The following BICC1 variants were observed in gnomAD, a reference collection of about 807,000 sequenced individuals.
BICC1 encodes protein bicaudal C homolog 1.
In BICC1, 43 loss-of-function variants were observed where a neutral mutation model predicts 111.0. The ratio of observed to expected loss-of-function variants is 0.39; its 90% CI spans 0.30 to 0.50. The LOEUF is 0.50. Among genes scored for constraint, BICC1 ranks in the 20% least tolerant of loss-of-function variants. The pLI, the probability that BICC1 is intolerant of heterozygous loss-of-function variation, is 0.88. For missense variants in BICC1, 1,091 were observed against 1,203.2 expected (o/e 0.91, Z 1.38); for synonymous variants, 467 against 434.4 (o/e 1.07, Z -0.93).
At chr10:58,800,139 G>T (rs1256419787) in intron 12 of BICC1, 55 bp from the exon 13 acceptor site, 10 of 1,382,494 alleles carry the variant, frequency 7.2e-6, no homozygotes, top group Non-Finnish European at 9.9e-6. Flanking sequence ...TTCTTGATTT[G>T]ACTCTCTGTA....
intron 2 of BICC1, among the ~76,000 whole-genome samples, chr10:58,657,854 G>T (rs1838710145): frequency 6.6e-6 from 1 of 151,924 alleles, no homozygotes; most frequent in African/African-American, 2.4e-5. Flanking sequence ...ACAATGTGTG[G>T]ATATAGCGTA....
chr10:58,799,342 T>A, intron 12 of BICC1, 90 bp downstream of exon 12: 1 of 1,000,326 alleles, frequency 1.0e-6, no homozygotes, highest in Non-Finnish European at 1.4e-6. Flanking sequence ...AGAATGTGTG[T>A]GTGTGATCTC....
intron 2 of BICC1, among the ~76,000 whole-genome samples, chr10:58,659,956 T>C (rs1466607163): frequency 6.6e-6 from 1 of 152,174 alleles, no homozygotes; most frequent in Admixed American, 6.5e-5. Context: ...GGCATGGAGG[T>C]AGTTTTGTGT....
intron 3 of BICC1, among the ~76,000 whole-genome samples, chr10:58,744,428 ATT>A (rs903448938): frequency 5.3e-5 from 8 of 150,094 alleles, no homozygotes; most frequent in Non-Finnish European, 7.4e-5. Flanking sequence ...AAAAGATATG[ATT>A]TTTTTTAAAA....
chr10:58,713,682 A>G (rs1840647422), intron 3 of BICC1, among the ~76,000 whole-genome samples: 1 of 152,234 alleles, frequency 6.6e-6, no homozygotes, highest in African/African-American at 2.4e-5. Flanking sequence ...ATTTACTAAC[A>G]CATTTATTTA....
chr10:58,700,311 T>A (rs1320866028), intron 2 of BICC1, among the ~76,000 whole-genome samples: 1 of 152,016 alleles, frequency 6.6e-6, no homozygotes, highest in Non-Finnish European at 1.5e-5. Flanking sequence ...GAGGAAGAGA[T>A]AATAGTGAAT....
At chr10:58,563,593 C>G (rs1016783061) in intron 1 of BICC1, among the ~76,000 whole-genome samples, 3 of 152,186 alleles carry the variant, frequency 2.0e-5, no homozygotes, top group African/African-American at 7.2e-5. Context: ...ACATTCTACT[C>G]AAAGTGCAGT....
chr10:58,746,233 A>T (rs566946423), intron 3 of BICC1, among the ~76,000 whole-genome samples: 3 of 152,282 alleles, frequency 2.0e-5, no homozygotes, highest in South Asian at 4.1e-4. Context: ...TACATCTATA[A>T]AGTATGGCCT....
chr10:58,545,655 C>T (rs1416258456), intron 1 of BICC1, among the ~76,000 whole-genome samples: 1 of 152,104 alleles, frequency 6.6e-6, no homozygotes, highest in Non-Finnish European at 1.5e-5. Flanking sequence ...CTGATTTTTC[C>T]ATTGCCCCAA....
chr10:58,753,373 G>T (rs1842044992), intron 3 of BICC1, among the ~76,000 whole-genome samples: 1 of 152,090 alleles, frequency 6.6e-6, no homozygotes, highest in Non-Finnish European at 1.5e-5. Context: ...TCGCTATGTT[G>T]TCCAGGCTTG....
chr10:58,665,517 A>G (rs1227531311), intron 2 of BICC1, among the ~76,000 whole-genome samples: 1 of 152,088 alleles, frequency 6.6e-6, no homozygotes, highest in Non-Finnish European at 1.5e-5. Context: ...CCATAACTAA[A>G]TGAATCTGTT....
chr10:58,785,565 C>G (rs1476611441), intron 4 of BICC1, among the ~76,000 whole-genome samples: 1 of 152,074 alleles, frequency 6.6e-6, no homozygotes, highest in African/African-American at 2.4e-5. Context: ...ATGTCTCTCT[C>G]TCTCTCTCTC....
chr10:58,813,192 C>T (rs1487087434), intron 17 of BICC1, among the ~76,000 whole-genome samples: 4 of 151,932 alleles, frequency 2.6e-5, no homozygotes, highest in Non-Finnish European at 5.9e-5. Context: ...AGTAGGGTGT[C>T]TATAATATAG....
rs779762219 is a variant in BICC1, at chr10:58,702,090, A to G, written c.254A>G (p.Asn85Ser). 46 of 1,613,368 alleles carry G rather than the reference A, an allele frequency of 2.9e-5. 2 individuals carry two copies. In the South Asian group the frequency reaches 4.9e-4, roughly 17 times the overall value. ...TTGTTACAGATCATGGAGGAAACAAATACGCAGATTGCTTGGCCATCAAAA... is the reference window on the plus strand; with the variant it reads ...TTGTTACAGATCATGGAGGAAACAAGTACGCAGATTGCTTGGCCATCAAAA... Reference protein sequence around the residue: ...DFFQKIMEETNTQIAWPSKLK... With the variant: ...DFFQKIMEETSTQIAWPSKLK... Residue 85 changes from asparagine (N) to serine (S), a missense_variant, in exon 3 of 21, where the codon AAT becomes AGT. By Grantham distance (46) the Asn-to-Ser change is conservative (BLOSUM62 1). Around this residue, in one of 3 missense-constraint regions of BICC1, gnomAD observed 843 missense variants for 900.8 expected, o/e 0.94. Transcript: ENST00000373886.
intron 1 of BICC1, among the ~76,000 whole-genome samples, chr10:58,599,686 C>T (rs923163815): frequency 3.3e-5 from 5 of 152,038 alleles, no homozygotes; most frequent in Non-Finnish European, 5.9e-5. Flanking sequence ...TTTTACTTGT[C>T]CTCTTTCTCT....
chr10:58,755,225 C>G (rs1425609950), intron 3 of BICC1, among the ~76,000 whole-genome samples: 3 of 151,972 alleles, frequency 2.0e-5, no homozygotes, highest in Admixed American at 2.0e-4. Flanking sequence ...GTCTTAAGAA[C>G]TTGGTTTGAT....
chr10:58,799,344 TG>T (rs1285194492), intron 12 of BICC1, 92 bp downstream of exon 12: 5 of 963,838 alleles, frequency 5.2e-6, no homozygotes, highest in Admixed American at 2.8e-5. Flanking sequence ...AATGTGTGTG[TG>T]TGATCTCTGC....
At chr10:58,544,716 G>GCATA (rs956402280) in intron 1 of BICC1, among the ~76,000 whole-genome samples, 22 of 152,068 alleles carry the variant, frequency 1.4e-4, no homozygotes, top group African/African-American at 4.6e-4. Flanking sequence ...TAATAGACAT[G>GCATA]CATACATACA....
chr10:58,648,531 T>C (rs1228535561), intron 2 of BICC1: 1 of 985,260 alleles, frequency 1.0e-6, no homozygotes, highest in Non-Finnish European at 1.2e-6. Context: ...CCTATAAATA[T>C]GTCTGTTGCT....
Sources: gnomAD v4.1 joint callset for allele counts (sites outside exome capture counted in the v4.1 genomes callset) on GRCh38, gnomAD v4.1.1 for gene constraint, gnomAD v4.1.1 regional missense constraint, MANE v1.5 for transcripts, NCBI Gene and HGNC (gene_info 2026-07-23, HGNC 2026-07-21) for gene names.